Variants in GAB1 observed in about 807,000 individuals in gnomAD.
GAB1 encodes GRB2-associated-binding protein 1.
In GAB1, 19 loss-of-function variants were observed where a neutral mutation model predicts 66.5. The observed-to-expected ratio is 0.29, with a 90% CI of 0.20 to 0.42. GAB1 has a LOEUF of 0.42. Ranked by LOEUF, GAB1 falls within the 10% of genes least tolerant of loss-of-function variation. The pLI is 1.00. For missense variants in GAB1, 732 were observed against 858.5 expected (o/e 0.85, Z 1.84); for synonymous variants, 294 against 301.4 (o/e 0.98, Z 0.25).
rs552126020 is a variant in GAB1 at position 143,391,422 on chromosome 4, A to G, written c.73-24055A>G. The G allele has an allele frequency of 4.6e-5, 7 of 152,332 alleles. No homozygotes were observed. In the South Asian group the frequency reaches 1.5e-3, roughly 32 times the overall value. The allele number at this position is 152,332 out of a possible 1,614,324, so 9.4% of individuals were successfully genotyped here. On this transcript the variant is annotated intron_variant, in intron 1 of 9. Coordinates refer to ENST00000262994, the MANE Select transcript of GAB1 (RefSeq NM_002039.4). ...TAAAAGGAATGAATGCTAATTAGCT[A>G]TATGCTCTTCCTTCCTCTCAGCCAG...
intron 6 of GAB1, among the ~76,000 whole-genome samples, chr4:143,451,135 G>T (rs1043290492): frequency 3.3e-5 from 5 of 152,142 alleles, no homozygotes; most frequent in Non-Finnish European, 7.3e-5. Flanking sequence ...ACCGTGGAAG[G>T]GGCTGTGGTT....
At chr4:143,423,818 ATATATATATATATATATATG>A (rs1560759422) in intron 2 of GAB1, among the ~76,000 whole-genome samples, 1 of 109,276 alleles carries the variant, frequency 9.2e-6, no homozygotes, top group Non-Finnish European at 2.0e-5. Context: ...ATATATATAT[ATATATATATATATATATATG>A]TCTTCACGTG....
At chr4:143,411,602 G>A (rs1183188822) in intron 1 of GAB1, among the ~76,000 whole-genome samples, 1 of 152,188 alleles carries the variant, frequency 6.6e-6, no homozygotes, top group African/African-American at 2.4e-5. Flanking sequence ...TACCAAGGCA[G>A]CAAGGATAAA....
At chr4:143,344,557 C>A (rs532150187) in intron 1 of GAB1, among the ~76,000 whole-genome samples, 2 of 152,218 alleles carry the variant, frequency 1.3e-5, no homozygotes, top group South Asian at 2.1e-4. Context: ...TTTTATATTA[C>A]CCCTGGCAAA....
At chr4:143,372,039 T>C (rs1259886598) in intron 1 of GAB1, among the ~76,000 whole-genome samples, 1 of 152,154 alleles carries the variant, frequency 6.6e-6, no homozygotes, top group Non-Finnish European at 1.5e-5. Flanking sequence ...TTATGAAACA[T>C]CTTGGCTGGG....
intron 6 of GAB1, among the ~76,000 whole-genome samples, chr4:143,454,565 A>G (rs1198662415): frequency 6.6e-6 from 1 of 152,218 alleles, no homozygotes; most frequent in Non-Finnish European, 1.5e-5. Context: ...TGATGGTGGT[A>G]GGTAAAACCA....
intron 1 of GAB1, among the ~76,000 whole-genome samples, chr4:143,401,084 G>A (rs552791258): frequency 6.6e-5 from 10 of 151,656 alleles, no homozygotes; most frequent in Non-Finnish European, 1.3e-4. Flanking sequence ...TTTTAACTAC[G>A]GATGTTTTGT....
At chr4:143,423,699 C>T (rs1733146153) in intron 2 of GAB1, among the ~76,000 whole-genome samples, 1 of 148,808 alleles carries the variant, frequency 6.7e-6, no homozygotes, top group Non-Finnish European at 1.5e-5. Flanking sequence ...ATGGCGTGAA[C>T]CCGGGAGGCG....
intron 1 of GAB1, among the ~76,000 whole-genome samples, chr4:143,396,895 C>T (rs1731482743): frequency 6.6e-6 from 1 of 152,140 alleles, no homozygotes; most frequent in African/African-American, 2.4e-5. Context: ...GCTGGAAGCA[C>T]AGGGAATAAA....
At chr4:143,464,857 TTC>T (rs1321143316) in intron 8 of GAB1, among the ~76,000 whole-genome samples, 1 of 152,222 alleles carries the variant, frequency 6.6e-6, no homozygotes, top group African/African-American at 2.4e-5. Context: ...GCACAGTTTT[TTC>T]TGTTTAACCT....
chr4:143,450,666 G>T (rs1056992272), intron 6 of GAB1, among the ~76,000 whole-genome samples: 1 of 152,154 alleles, frequency 6.6e-6, no homozygotes, highest in Admixed American at 6.5e-5. Context: ...GAGGTGGGCA[G>T]ATCACCTGAG....
chr4:143,465,740 C>G (rs569641134), intron 8 of GAB1, among the ~76,000 whole-genome samples: 3 of 152,136 alleles, frequency 2.0e-5, no homozygotes, highest in Admixed American at 2.0e-4. Flanking sequence ...TTAGATAAAA[C>G]GTAGAAAGTT....
In GAB1 at chr4:143,470,373, C is replaced by T. The variant is rs1251512518; in HGVS notation, c.*1184C>T. 1 of 152,032 alleles carries T rather than the reference C, an allele frequency of 6.6e-6. No individual in the cohort carries two copies. The highest frequency in any genetic ancestry group is 6.6e-5 in the Admixed American group (1 of 15,266). 9.4% of individuals were successfully genotyped at this position (152,032 alleles called of 1,614,324 possible). ...TGTTGCTTTTCCACTGAAAGAATTACGGATTTTGTACTGTGATTTATATTC... is the reference window on the plus strand; with the variant it reads ...TGTTGCTTTTCCACTGAAAGAATTATGGATTTTGTACTGTGATTTATATTC... On this transcript the variant is annotated 3_prime_UTR_variant, in exon 10 of 10. Transcript: ENST00000262994.
At chr4:143,415,889 G>A in intron 2 of GAB1, 118 bp downstream of exon 2, 1 of 814,804 alleles carries the variant, frequency 1.2e-6, no homozygotes, top group Non-Finnish European at 1.8e-6. Context: ...TTTATAATAG[G>A]AACTTGACAT....
Position 143,427,545 on chromosome 4 carries a change from A to AC in GAB1, c.368-5946_368-5945insC, listed in dbSNP as rs548392505. On this transcript the variant is annotated intron_variant, in intron 2 of 9. Transcript: ENST00000262994. Reference sequence around the variant, plus strand: ...CCAAAGCCTGACTGGTAAAAAAAAAAAACAACAACAACAACAAAACCTTTT... The same window carrying AC: ...CCAAAGCCTGACTGGTAAAAAAAAAACAACAACAACAACAACAAAACCTTTT... Among the ~76,000 whole-genome samples the AC allele has an allele frequency of 2.6e-3, 389 of 152,066 alleles. 1 individual carries two copies. Among genetic ancestry groups the AC allele is most frequent in the South Asian group, 1.0e-2 (48 of 4,820 alleles).
chr4:143,377,784 G>A (rs984206352), intron 1 of GAB1, among the ~76,000 whole-genome samples: 4 of 152,072 alleles, frequency 2.6e-5, no homozygotes, highest in Admixed American at 6.6e-5. Flanking sequence ...TTTTTAGGCC[G>A]TATGTGCTGC....
intron 1 of GAB1, among the ~76,000 whole-genome samples, chr4:143,386,934 T>G (rs1415899536): frequency 6.6e-6 from 1 of 152,136 alleles, no homozygotes; most frequent in Non-Finnish European, 1.5e-5. Flanking sequence ...TACAGAAGAT[T>G]TTTTTGTTGA....
intron 1 of GAB1, among the ~76,000 whole-genome samples, chr4:143,350,616 T>G (rs886908145): frequency 2.8e-5 from 4 of 144,608 alleles, no homozygotes; most frequent in African/African-American, 1.0e-4. Context: ...AGGCGGAGGT[T>G]GCGGTGAGCC....
intron 8 of GAB1, among the ~76,000 whole-genome samples, chr4:143,464,888 T>C (rs1578759480): frequency 2.6e-5 from 4 of 152,300 alleles, no homozygotes; most frequent in African/African-American, 9.6e-5. Flanking sequence ...AGAAATGAAG[T>C]AGCAATATAA....
Sources: allele counts gnomAD v4.1 joint callset (sites outside exome capture counted in the v4.1 genomes callset), GRCh38; gene constraint gnomAD v4.1.1; transcripts MANE v1.5; gene names NCBI Gene and HGNC (gene_info 2026-07-23, HGNC 2026-07-21).